Variants in CLIP1 observed in about 807,000 individuals in gnomAD.
CLIP1 encodes the protein CAP-Gly domain containing linker protein 1, also known as CAP-Gly domain-containing linker protein 1.
A neutral mutation model predicts 161.6 loss-of-function variants in CLIP1; 66 were observed. That is an observed-to-expected ratio of 0.41 (90% CI 0.33 to 0.50). The LOEUF (loss-of-function observed/expected upper bound fraction) is 0.50. CLIP1 is among the 20% of genes least tolerant of loss of function. The probability of loss-of-function intolerance (pLI) is 0.27; values close to 1 mark genes in which losing one functional copy is unlikely to be tolerated. For synonymous variants in CLIP1, 598 were observed against 626.2 expected (o/e 0.96, Z 0.67); for missense variants, 1,376 against 1,702.0 (o/e 0.81, Z 3.37).
At chr12:122,386,312 A>G (rs140995027) in intron 1 of CLIP1, among the ~76,000 whole-genome samples, 20 of 152,222 alleles carry the variant, frequency 1.3e-4, no homozygotes, top group African/African-American at 4.8e-4. Flanking sequence ...AAGAAAATAC[A>G]TCAAAATGAA....
intron 21 of CLIP1, among the ~76,000 whole-genome samples, chr12:122,281,857 A>G (rs974162088): frequency 2.0e-5 from 3 of 152,234 alleles, no homozygotes; most frequent in South Asian, 4.1e-4. Context: ...TTTTTACTAA[A>G]AAAAACCAGG....
At chr12:122,314,655 G>A (rs969725338) in intron 19 of CLIP1, among the ~76,000 whole-genome samples, 2 of 152,130 alleles carry the variant, frequency 1.3e-5, no homozygotes, top group Non-Finnish European at 2.9e-5. Context: ...AGTCTCTCGT[G>A]GCAGTTCACA....
intron 20 of CLIP1, among the ~76,000 whole-genome samples, chr12:122,302,789 G>C (rs1407918303): frequency 2.0e-5 from 3 of 152,040 alleles, no homozygotes; most frequent in Non-Finnish European, 4.4e-5. Flanking sequence ...TAGAGACAGG[G>C]TTTCGCCATG....
intron 21 of CLIP1, among the ~76,000 whole-genome samples, chr12:122,283,963 A>G (rs1955747022): frequency 6.6e-6 from 1 of 152,134 alleles, no homozygotes; most frequent in African/African-American, 2.4e-5. Flanking sequence ...AAGGCTTTTT[A>G]AATTAATAGT....
intron 20 of CLIP1, among the ~76,000 whole-genome samples, chr12:122,296,822 C>A (rs907869087): frequency 1.4e-5 from 2 of 144,800 alleles, no homozygotes; most frequent in Admixed American, 7.0e-5. Flanking sequence ...TATGATCATG[C>A]CACTGCACGC....
chr12:122,273,957 C>A, intron 25 of CLIP1, 81 bp downstream of exon 25: 2 of 1,275,554 alleles, frequency 1.6e-6, no homozygotes, highest in South Asian at 1.2e-5. Flanking sequence ...GTCTCGAACT[C>A]CTGACCCTCA....
At chr12:122,276,382 CCACACACACACA>C (rs71082959) in intron 24 of CLIP1, 2 of 1,160,592 alleles carry the variant, frequency 1.7e-6, no homozygotes, top group East Asian at 1.3e-4. Context: ...TAGTGGGAAA[CCACACACACACA>C]CACACACACA....
At chr12:122,371,065 C>T (rs1376220967) in intron 3 of CLIP1, among the ~76,000 whole-genome samples, 1 of 152,034 alleles carries the variant, frequency 6.6e-6, no homozygotes, top group Non-Finnish European at 1.5e-5. Context: ...ACCCACTTGA[C>T]CAAAATATTA....
chr12:122,284,288 T>C (rs1367478585), intron 21 of CLIP1, among the ~76,000 whole-genome samples: 10 of 151,904 alleles, frequency 6.6e-5, no homozygotes, highest in Admixed American at 4.6e-4. Flanking sequence ...TCCTAAACAT[T>C]GAGGACATAA....
intron 24 of CLIP1, chr12:122,275,807 G>A (rs1174354541): frequency 3.3e-5 from 5 of 152,176 alleles, no homozygotes; most frequent in Non-Finnish European, 7.3e-5. Context: ...TAATGGTGGA[G>A]CAATAAGTAA....
At chr12:122,373,929 C>CA (rs1954583683) in intron 3 of CLIP1, among the ~76,000 whole-genome samples, 1 of 151,804 alleles carries the variant, frequency 6.6e-6, no homozygotes, top group South Asian at 2.1e-4. Flanking sequence ...AAGACAGACA[C>CA]AAAAAAAGCA....
chr12:122,347,079 T>C (rs1952786261), intron 10 of CLIP1, among the ~76,000 whole-genome samples: 1 of 152,252 alleles, frequency 6.6e-6, no homozygotes, highest in African/African-American at 2.4e-5. Context: ...TATTTCATGG[T>C]ATTAATATAA....
At position 122,379,261 on chromosome 12, in the gene CLIP1, T is replaced by C. The variant is rs532309511; in HGVS notation, c.85+1107A>G. Among the ~76,000 whole-genome samples, 3 of 150,984 alleles carry C rather than the reference T, an allele frequency of 2.0e-5. No homozygotes were observed. The East Asian group carries it at 5.9e-4, about 30-fold the overall frequency. ...AGGTGGAGGTTGCAGTGAGCCGAGA[T>C]TGAGCCACTGCATTCCAGCCTTGAT... On this transcript the variant is annotated intron_variant, in intron 2 of 25. Coordinates refer to ENST00000620786, the MANE Select transcript of CLIP1 (RefSeq NM_001247997.2).
At chr12:122,400,961 G>A (rs1956122744) in intron 1 of CLIP1, 1 of 147,854 alleles carries the variant, frequency 6.8e-6, no homozygotes, top group South Asian at 2.1e-4. Flanking sequence ...GCCCAGGCTG[G>A]AGTGCAGTGG....
intron 18 of CLIP1, 133 bp downstream of exon 18, chr12:122,319,099 G>T: frequency 1.6e-6 from 1 of 640,368 alleles, no homozygotes; most frequent in Non-Finnish European, 2.8e-6. Flanking sequence ...AGATTATCGT[G>T]GCTCTGGCAT....
intron 1 of CLIP1, among the ~76,000 whole-genome samples, chr12:122,405,663 CT>C (rs1451273177): frequency 6.6e-6 from 1 of 151,134 alleles, no homozygotes; most frequent in Non-Finnish European, 1.5e-5. Context: ...TGGTACACAC[CT>C]ATAATCCCAG....
chr12:122,323,183 T>TC lies in CLIP1; in HGVS notation c.3250-3836dup, dbSNP rs1319417141. Reference sequence around the variant, plus strand: ...TGAGGATTTTTCTTTCAAGAGACTATCCTGCTGCTTTTTAAGTTCAGTCAT... The same window carrying TC: ...TGAGGATTTTTCTTTCAAGAGACTATCCCTGCTGCTTTTTAAGTTCAGTCAT... On this transcript the variant is annotated intron_variant, in intron 17 of 25. Transcript: ENST00000620786. This position sits in a 1 kb window ranked among gnomAD's most constrained non-coding sequence, Gnocchi z 4.1. 6.6e-6 allele frequency: 1 copy of TC among 152,666 alleles called. No homozygotes were observed. Among genetic ancestry groups the TC allele is most frequent in the Non-Finnish European group, 1.5e-5 (1 of 68,050 alleles). 9.5% of individuals were successfully genotyped at this position (152,666 alleles called of 1,614,324 possible).
At chr12:122,352,826 G>A (rs1193632108) in intron 7 of CLIP1, 40 bp from the exon 8 acceptor site, 1 of 1,509,872 alleles carries the variant, frequency 6.6e-7, no homozygotes, top group Non-Finnish European at 9.2e-7. Context: ...AAGAAACTAA[G>A]TAACACACAG....
chr12:122,278,759 T>G, intron 23 of CLIP1, 33 bp downstream of exon 23: 3 of 1,542,008 alleles, frequency 1.9e-6, no homozygotes, highest in Non-Finnish European at 1.7e-6. Context: ...GGACGCGGGG[T>G]GTACAGAGAA....
Sources: gnomAD v4.1 joint callset for allele counts (sites outside exome capture counted in the v4.1 genomes callset) on GRCh38, gnomAD v4.1.1 for gene constraint, Gnocchi (gnomAD v3.1) non-coding constraint, MANE v1.5 for transcripts, NCBI Gene and HGNC (gene_info 2026-07-23, HGNC 2026-07-21) for gene names.